Variants in PIK3AP1 observed in about 807,000 individuals in gnomAD.
PIK3AP1 encodes the protein phosphoinositide 3-kinase adapter protein 1.
Under a neutral mutation model 88.1 loss-of-function variants are expected in PIK3AP1, and 21 were observed. The observed-to-expected ratio is 0.24, with a 90% CI of 0.17 to 0.34. The LOEUF (loss-of-function observed/expected upper bound fraction) is 0.34, where lower values mean the gene tolerates loss of function less well. Ranked by LOEUF, PIK3AP1 falls within the 10% of genes least tolerant of loss-of-function variation. The pLI is 1.00. For synonymous variants in PIK3AP1, 398 were observed against 400.0 expected, an observed-to-expected ratio of 1.00 and a Z score of 0.06; for missense variants, 828 against 1,035.7, an observed-to-expected ratio of 0.80 and a Z score of 2.75.
chr10:96,685,569 C>A (rs923462598), intron 2 of PIK3AP1, among the ~76,000 whole-genome samples: 1 of 152,292 alleles, frequency 6.6e-6, no homozygotes, highest in South Asian at 2.1e-4. Flanking sequence ...CACAGCCCTG[C>A]GAGGTGTGCA....
intron 2 of PIK3AP1, among the ~76,000 whole-genome samples, chr10:96,668,720 A>G (rs542624673): frequency 2.6e-5 from 4 of 152,320 alleles, no homozygotes; most frequent in African/African-American, 9.6e-5. Flanking sequence ...AAAAGACTGA[A>G]GAAGATTCAA....
chr10:96,645,701 C>G, intron 7 of PIK3AP1, 39 bp from the exon 8 acceptor site: 2 of 1,539,686 alleles, frequency 1.3e-6, no homozygotes, highest in East Asian at 2.4e-5. Flanking sequence ...CCTGAGGCAG[C>G]CTGACTTTCC....
chr10:96,646,938 CT>C (rs1235050414), intron 7 of PIK3AP1, among the ~76,000 whole-genome samples: 1 of 152,178 alleles, frequency 6.6e-6, no homozygotes, highest in African/African-American at 2.4e-5. Context: ...GATAGCTAAT[CT>C]TTTATTGACA....
chr10:96,636,569 C>T (rs751579636), intron 8 of PIK3AP1, among the ~76,000 whole-genome samples: 1 of 152,182 alleles, frequency 6.6e-6, no homozygotes, highest in Non-Finnish European at 1.5e-5. Flanking sequence ...CAGAACAAAT[C>T]CCTGCATTCC....
intron 2 of PIK3AP1, among the ~76,000 whole-genome samples, chr10:96,693,325 T>C (rs971705804): frequency 6.6e-6 from 1 of 152,038 alleles, no homozygotes; most frequent in Non-Finnish European, 1.5e-5. Context: ...TTCCATTCTG[T>C]TAAAGGGACA....
intron 8 of PIK3AP1, among the ~76,000 whole-genome samples, chr10:96,629,646 G>C (rs1357496375): frequency 1.4e-5 from 2 of 140,068 alleles, no homozygotes; most frequent in Admixed American, 1.6e-4. Context: ...GGGAGGCCAA[G>C]GCAGAAGGAT....
chr10:96,604,344 A>ATTTTTTTTTTTT (rs66487275), intron 14 of PIK3AP1, among the ~76,000 whole-genome samples: 12 of 77,124 alleles, frequency 1.6e-4, no homozygotes, highest in African/African-American at 2.0e-4. Context: ...CACCTAGCCA[A>ATTTTTTTTTTTT]TTTTTTTTTT....
chr10:96,650,270 A>G (rs547452909), intron 6 of PIK3AP1, among the ~76,000 whole-genome samples: 19 of 152,316 alleles, frequency 1.2e-4, no homozygotes, highest in Admixed American at 3.9e-4. Flanking sequence ...CTCTTAGACT[A>G]CAGAAGGATG....
At chr10:96,623,200 A>C (rs945912101) in intron 11 of PIK3AP1, among the ~76,000 whole-genome samples, 8 of 152,006 alleles carry the variant, frequency 5.3e-5, no homozygotes, top group Admixed American at 2.0e-4. Context: ...TAATTAATTA[A>C]ATAATTTATT....
At chr10:96,667,696 GA>G (rs963560460) in intron 2 of PIK3AP1, among the ~76,000 whole-genome samples, 31 of 144,146 alleles carry the variant, frequency 2.2e-4, no homozygotes, top group East Asian at 9.9e-4. Context: ...GATTTTTTAA[GA>G]AAAAAAAAAA....
intron 1 of PIK3AP1, among the ~76,000 whole-genome samples, chr10:96,719,659 G>C (rs998503984): frequency 1.3e-5 from 2 of 152,096 alleles, no homozygotes; most frequent in Non-Finnish European, 2.9e-5. Flanking sequence ...GGCTTGTCCT[G>C]GATCTCCGTC....
chr10:96,638,455 GACAC>G (rs748604466), intron 8 of PIK3AP1, among the ~76,000 whole-genome samples: 1 of 104,354 alleles, frequency 9.6e-6, no homozygotes, highest in Non-Finnish European at 1.9e-5. Context: ...CACACACACA[GACAC>G]ACACACACAC....
At chr10:96,612,926 T>C (rs1003438927) in intron 13 of PIK3AP1, among the ~76,000 whole-genome samples, 1 of 141,914 alleles carries the variant, frequency 7.0e-6, no homozygotes, top group Non-Finnish European at 1.5e-5. Context: ...GAATGTACTT[T>C]ATGCCACTGA....
rs568519333 is a variant in PIK3AP1, at chr10:96,616,385, G to T, written c.2014+254C>A. 3.3e-5 allele frequency among the ~76,000 whole-genome samples: 5 copies of T among 152,330 alleles called. No individual in the cohort carries two copies. In the South Asian group the frequency reaches 1.0e-3, roughly 32 times the overall value. ...ATCCTATTTGAGTGAAAAGGTGGAAGCATGCAGAGTTGAATCCACTTATTC... is the reference window on the plus strand; with the variant it reads ...ATCCTATTTGAGTGAAAAGGTGGAATCATGCAGAGTTGAATCCACTTATTC... On this transcript the variant is annotated intron_variant, in intron 13 of 16. Transcript: ENST00000339364.
chr10:96,612,407 A>T (rs773730293), intron 13 of PIK3AP1, among the ~76,000 whole-genome samples: 29 of 152,208 alleles, frequency 1.9e-4, no homozygotes, highest in Non-Finnish European at 4.1e-4. Context: ...AACCCAAATT[A>T]AAGATTACTA....
intron 16 of PIK3AP1, among the ~76,000 whole-genome samples, chr10:96,596,301 G>A (rs1446525685): frequency 6.6e-6 from 1 of 152,122 alleles, no homozygotes; most frequent in Non-Finnish European, 1.5e-5. Context: ...TTGTCCCATG[G>A]AAACCACAAT....
At chr10:96,598,262 G>T (rs1241182467) in intron 16 of PIK3AP1, among the ~76,000 whole-genome samples, 1 of 151,842 alleles carries the variant, frequency 6.6e-6, no homozygotes, top group Admixed American at 6.6e-5. Context: ...AGTTGCCCAG[G>T]CTGGTCTCAA....
At chr10:96,641,795 A>G (rs1298948472) in intron 8 of PIK3AP1, among the ~76,000 whole-genome samples, 1 of 152,138 alleles carries the variant, frequency 6.6e-6, no homozygotes, top group African/African-American at 2.4e-5. Flanking sequence ...AAACCCTGGG[A>G]TGGTCAGATG....
chr10:96,685,941 T>C (rs1050760807), intron 2 of PIK3AP1, among the ~76,000 whole-genome samples: 7 of 152,178 alleles, frequency 4.6e-5, no homozygotes, highest in Non-Finnish European at 8.8e-5. Flanking sequence ...GGCCTGTCTT[T>C]GCTACAGAAT....
Sources: gnomAD v4.1 joint callset for allele counts (sites outside exome capture counted in the v4.1 genomes callset) on GRCh38, gnomAD v4.1.1 for gene constraint, MANE v1.5 for transcripts, NCBI Gene and HGNC (gene_info 2026-07-23, HGNC 2026-07-21) for gene names.